The following MACROD2 variants were observed in gnomAD, a reference collection of about 807,000 sequenced individuals.
MACROD2 encodes the protein ADP-ribose glycohydrolase MACROD2.
MACROD2 carries 36 observed loss-of-function variants against 70.4 expected under a neutral mutation model. That is an observed-to-expected ratio of 0.51 (90% confidence interval 0.39 to 0.68). The LOEUF (loss-of-function observed/expected upper bound fraction) is 0.68, where lower values mean the gene tolerates loss of function less well. Among genes scored for constraint, MACROD2 ranks in the 30% least tolerant of loss-of-function variants. MACROD2 has a pLI of 0.00. For missense variants in MACROD2, 496 were observed against 538.4 expected (o/e 0.92, Z 0.78); for synonymous variants, 172 against 178.8 (o/e 0.96, Z 0.30).
chr20:15,246,275 ATGTG>A (rs139635444), intron 6 of MACROD2, among the ~76,000 whole-genome samples: 1 of 151,946 alleles, frequency 6.6e-6, no homozygotes, highest in Non-Finnish European at 1.5e-5. Flanking sequence ...GTGTATGTGT[ATGTG>A]TGTGTGTGTC....
At chr20:15,438,037 C>G (rs1434034192) in intron 7 of MACROD2, among the ~76,000 whole-genome samples, 2 of 151,966 alleles carry the variant, frequency 1.3e-5, no homozygotes, top group Non-Finnish European at 2.9e-5. Flanking sequence ...CATCTATAAT[C>G]CCAGCTACTC....
intron 8 of MACROD2, among the ~76,000 whole-genome samples, chr20:15,611,328 T>C (rs2048966732): frequency 1.3e-5 from 2 of 152,168 alleles, no homozygotes; most frequent in Admixed American, 6.5e-5. Flanking sequence ...AGAGTCACGA[T>C]TGGAAGCCTG....
chr20:15,337,772 C>T (rs1444166229), intron 6 of MACROD2, among the ~76,000 whole-genome samples: 3 of 151,644 alleles, frequency 2.0e-5, no homozygotes, highest in Non-Finnish European at 4.4e-5. Context: ...CTCAATATTA[C>T]AACAATTACA....
intron 5 of MACROD2, among the ~76,000 whole-genome samples, chr20:15,218,543 T>C (rs928927524): frequency 2.6e-5 from 4 of 152,176 alleles, no homozygotes; most frequent in South Asian, 2.1e-4. Flanking sequence ...CATGATGTCT[T>C]ATAGAATTCT....
chr20:15,517,469 G>C (rs1003123615), intron 8 of MACROD2, among the ~76,000 whole-genome samples: 1 of 152,150 alleles, frequency 6.6e-6, no homozygotes, highest in African/African-American at 2.4e-5. Context: ...ATATGTATTG[G>C]TTTATCGGCT....
At chr20:16,023,536 T>C (rs1163835482) in intron 15 of MACROD2, among the ~76,000 whole-genome samples, 1 of 148,774 alleles carries the variant, frequency 6.7e-6, no homozygotes, top group Non-Finnish European at 1.5e-5. Flanking sequence ...AGCAGATCTA[T>C]AGGCCAAATC....
intron 8 of MACROD2, among the ~76,000 whole-genome samples, chr20:15,516,250 C>T (rs1039526659): frequency 7.9e-5 from 12 of 151,924 alleles, no homozygotes; most frequent in African/African-American, 2.9e-4. Context: ...TTTTAATTGT[C>T]ATGTATTTCC....
chr20:14,802,880 C>T (rs926985007), intron 5 of MACROD2, among the ~76,000 whole-genome samples: 3 of 151,700 alleles, frequency 2.0e-5, no homozygotes, highest in Admixed American at 2.0e-4. Flanking sequence ...GTTAGAATAT[C>T]TCATTTTTAA....
chr20:15,176,605 G>A (rs1278190118), intron 5 of MACROD2, among the ~76,000 whole-genome samples: 1 of 152,064 alleles, frequency 6.6e-6, no homozygotes, highest in Non-Finnish European at 1.5e-5. Context: ...TTCCCACTTC[G>A]GGTCTCCTGA....
intron 8 of MACROD2, among the ~76,000 whole-genome samples, chr20:15,622,448 AC>A (rs2049140763): frequency 6.6e-6 from 1 of 152,206 alleles, no homozygotes. Flanking sequence ...GAGGTAAAAT[AC>A]GGGTGACTTG....
chr20:15,309,941 A>G (rs1162154237), intron 6 of MACROD2, among the ~76,000 whole-genome samples: 1 of 152,222 alleles, frequency 6.6e-6, no homozygotes, highest in Non-Finnish European at 1.5e-5. Context: ...AATGTGGCTT[A>G]AGCTAATGCC....
chr20:16,044,909 T>C (rs1237873114), intron 17 of MACROD2, among the ~76,000 whole-genome samples: 8 of 152,134 alleles, frequency 5.3e-5, no homozygotes, highest in Non-Finnish European at 1.0e-4. Flanking sequence ...AATGTCTCCA[T>C]CCATCTCACC....
intron 5 of MACROD2, chr20:15,022,978 T>A (rs1156704407): frequency 2.0e-5 from 3 of 152,146 alleles, no homozygotes; most frequent in African/African-American, 7.2e-5. Flanking sequence ...TATATGCATA[T>A]ATGTATATAT....
chr20:14,912,996 TTCTG>T (rs1381080761), intron 5 of MACROD2, among the ~76,000 whole-genome samples: 23 of 152,204 alleles, frequency 1.5e-4, no homozygotes, highest in African/African-American at 5.1e-4. Context: ...AGTACACAAA[TTCTG>T]TCTCTCTTCT....
intron 12 of MACROD2, among the ~76,000 whole-genome samples, chr20:15,957,852 G>A (rs190814893): frequency 1.7e-4 from 26 of 152,298 alleles, no homozygotes; most frequent in Admixed American, 1.1e-3. Flanking sequence ...GTGATGTAGG[G>A]AGCAGTGGGG....
chr20:14,311,035 T>C (rs1223577721), intron 3 of MACROD2, among the ~76,000 whole-genome samples: 1 of 152,168 alleles, frequency 6.6e-6, no homozygotes, highest in Non-Finnish European at 1.5e-5. Flanking sequence ...CTAAGGTTAA[T>C]TTATTATTGA....
intron 8 of MACROD2, among the ~76,000 whole-genome samples, chr20:15,672,441 A>G (rs186337651): frequency 1.3e-5 from 2 of 151,882 alleles, no homozygotes; most frequent in Non-Finnish European, 2.9e-5. Context: ...AGTGGCATGT[A>G]GTAGACATCT....
intron 5 of MACROD2, among the ~76,000 whole-genome samples, chr20:14,849,504 G>A (rs992119154): frequency 1.3e-4 from 20 of 152,126 alleles, no homozygotes; most frequent in African/African-American, 4.8e-4. Context: ...CTCTCAGCCA[G>A]GCACAGTGGC....
chr20:14,442,630 C>G (rs2084136531), intron 3 of MACROD2, among the ~76,000 whole-genome samples: 1 of 152,052 alleles, frequency 6.6e-6, no homozygotes, highest in Non-Finnish European at 1.5e-5. Context: ...ACACTGGATT[C>G]TTGCTGGAAC....
Sources: allele counts gnomAD v4.1 joint callset (sites outside exome capture counted in the v4.1 genomes callset), GRCh38; gene constraint gnomAD v4.1.1; transcripts MANE v1.5; gene names NCBI Gene and HGNC (gene_info 2026-07-23, HGNC 2026-07-21).